The following ZSCAN21 variants were observed in gnomAD, a reference collection of about 807,000 sequenced individuals.
The protein encoded by ZSCAN21 is zinc finger and SCAN domain containing 21.
In ZSCAN21, 26 loss-of-function variants were observed where a neutral mutation model predicts 35.6. The ratio of observed to expected loss-of-function variants is 0.73; its 90% CI spans 0.54 to 1.01. The LOEUF (loss-of-function observed/expected upper bound fraction) is 1.01. Ranked by LOEUF, ZSCAN21 falls within the 50% of genes least tolerant of loss-of-function variation. The pLI, the probability that ZSCAN21 is intolerant of heterozygous loss-of-function variation, is 0.00. For missense variants in ZSCAN21, 593 were observed against 587.1 expected (o/e 1.01, Z -0.10); for synonymous variants, 219 against 219.3 (o/e 1.00, Z 0.01).
At chr7:100,058,629 G>A in intron 3 of ZSCAN21, among the ~76,000 whole-genome samples, 1 of 152,230 alleles carries the variant, frequency 6.6e-6, no homozygotes, top group Middle Eastern at 3.2e-3. Context: ...TGTATTAGGT[G>A]ACTACTCCTG....
At chr7:100,057,626 C>T (rs1404542455) in intron 2 of ZSCAN21, 72 bp from the exon 3 acceptor site, 3 of 1,440,960 alleles carry the variant, frequency 2.1e-6, no homozygotes, top group Non-Finnish European at 2.8e-6. Flanking sequence ...TTCTATGTAG[C>T]TCTACTGGGA....
chr7:100,064,749 G>A lies in ZSCAN21; in HGVS notation c.*132G>A. ...CACTCAACATCAGGGGATGCCTGAGGAGTGCGAGCTCCACAGCAACATGGC... is the reference window on the plus strand; with the variant it reads ...CACTCAACATCAGGGGATGCCTGAGAAGTGCGAGCTCCACAGCAACATGGC... On this transcript the variant is annotated 3_prime_UTR_variant, in exon 4 of 4. Coordinates refer to ENST00000292450, the MANE Select transcript of ZSCAN21 (RefSeq NM_145914.3). 6.2e-7 allele frequency: 1 copy of A among 1,614,038 alleles called. No individual in the cohort carries two copies. The highest frequency in any genetic ancestry group is 8.5e-7 in the Non-Finnish European group (1 of 1,179,950).
Position 100,056,925 on chromosome 7 carries a change from C to T in ZSCAN21, c.-82C>T. On this transcript the variant is annotated 5_prime_UTR_variant, in exon 2 of 4. Coordinates refer to ENST00000292450, the MANE Select transcript of ZSCAN21 (RefSeq NM_145914.3). ...TATTTTCTTAGGTTTAACTTGTGGC[C>T]CTAAAGAACTGGAAACCCAAAGGAA... 3 of 1,386,334 alleles carry T rather than the reference C, an allele frequency of 2.2e-6. No individual in the cohort carries two copies. The highest frequency in any genetic ancestry group is 2.9e-6 in the Non-Finnish European group (3 of 1,036,412). The allele number at this position is 1,386,334 out of a possible 1,614,324, so 85.9% of individuals were successfully genotyped here.
chr7:100,062,767 C>G (rs1179561613), intron 3 of ZSCAN21, among the ~76,000 whole-genome samples: 1 of 152,068 alleles, frequency 6.6e-6, no homozygotes, highest in East Asian at 1.9e-4. Context: ...CCCAGCTCTT[C>G]GGGAGGCTGA....
Position 100,052,789 on chromosome 7 carries a change from C to T in ZSCAN21, c.-97+2948C>T, listed in dbSNP as rs1233104443. ...GAGGAAGGGCACCCGGCCCTCTACTCGTTTGTAGTCTTTATGCATTGTACA... is the reference window on the plus strand; with the variant it reads ...GAGGAAGGGCACCCGGCCCTCTACTTGTTTGTAGTCTTTATGCATTGTACA... On this transcript the variant is annotated intron_variant, in intron 1 of 3. Coordinates refer to ENST00000292450, the MANE Select transcript of ZSCAN21 (RefSeq NM_145914.3). Among the ~76,000 whole-genome samples, 4 of 151,966 alleles carry T rather than the reference C, an allele frequency of 2.6e-5. No individual in the cohort carries two copies. In the East Asian group the frequency reaches 7.7e-4, roughly 29 times the overall value.
rs1792039934 is a variant in ZSCAN21, at chr7:100,055,414, A to G, written c.-96-1497A>G. Among the ~76,000 whole-genome samples the G allele has an allele frequency of 2.0e-5, 3 of 148,070 alleles. No homozygotes were observed. In the Admixed American group the frequency reaches 2.0e-4, roughly 10 times the overall value. On this transcript the variant is annotated intron_variant, in intron 1 of 3. Coordinates refer to ENST00000292450, the MANE Select transcript of ZSCAN21 (RefSeq NM_145914.3). The stretch of plus-strand genomic sequence containing the variant: ...CCCAAATAGCTGAGATTACAGGTGC[A>G]CACCACCATGCCCAGCTAATTTTTG...
intron 1 of ZSCAN21, among the ~76,000 whole-genome samples, chr7:100,050,533 A>C (rs1011175908): frequency 2.0e-5 from 3 of 151,716 alleles, no homozygotes; most frequent in Non-Finnish European, 4.4e-5. Context: ...CCCTGTCCCC[A>C]CGAAAAATAC....
chr7:100,053,173 C>G (rs1348944038), intron 1 of ZSCAN21, among the ~76,000 whole-genome samples: 1 of 151,566 alleles, frequency 6.6e-6, no homozygotes, highest in Non-Finnish European at 1.5e-5. Flanking sequence ...AATCACTTAG[C>G]TAATGAGCTT....
chr7:100,050,949 T>C (rs1791837858), intron 1 of ZSCAN21, among the ~76,000 whole-genome samples: 1 of 151,124 alleles, frequency 6.6e-6, no homozygotes, highest in African/African-American at 2.4e-5. Context: ...TCCAGCACTT[T>C]GGGAGGCCGA....
intron 3 of ZSCAN21, 23 bp downstream of exon 3, chr7:100,057,913 C>T (rs1792142228): frequency 6.5e-7 from 1 of 1,539,436 alleles, no homozygotes; most frequent in African/African-American, 1.4e-5. Flanking sequence ...CATTAGACTC[C>T]TATTCAGTGC....
chr7:100,064,726 C>T lies in ZSCAN21; in HGVS notation c.*109C>T. 3 of 1,612,120 alleles carry T rather than the reference C, an allele frequency of 1.9e-6. No individual in the cohort carries two copies. Among genetic ancestry groups the T allele is most frequent in the Non-Finnish European group, 2.5e-6 (3 of 1,178,674 alleles). The stretch of plus-strand genomic sequence containing the variant: ...GATTCCGGTGATAGAGTTTGTATCA[C>T]TCAACATCAGGGGATGCCTGAGGAG... On this transcript the variant is annotated 3_prime_UTR_variant, in exon 4 of 4. Transcript: ENST00000292450.
Position 100,064,428 on chromosome 7 carries a change from C to T in ZSCAN21, c.1233C>T (p.Thr411=), listed in dbSNP as rs759065322. The change falls in exon 4 of 4, where the codon ACC becomes ACT. Residue 411 remains threonine, a synonymous_variant. Transcript: ENST00000292450. ...TCAGCTCCCACCAGAGACTCCACAC[C>T]GGAGAGAAGCCATATAAGTGTAAGG... ...AGLSSHQRLH[T]GEKPYKCKEC... is the part of the protein sequence containing the mutation. 1.6e-5 allele frequency: 26 copies of T among 1,613,906 alleles called. No individual in the cohort carries two copies. The East Asian group carries it at 1.8e-4, about 11-fold the overall frequency.
In ZSCAN21 at chr7:100,057,406, G is replaced by C. The variant is rs768804941; in HGVS notation, c.399+1G>C. ...GGAACTGGATGAGCCAGGACACCAG[G>C]TAGGCAGGAGAGACCTTTGTTATTC... On this transcript the variant is annotated splice_donor_variant, in intron 2 of 3. Coordinates refer to ENST00000292450, the MANE Select transcript of ZSCAN21 (RefSeq NM_145914.3). LOFTEE classifies it high-confidence loss of function. The C allele has an allele frequency of 4.6e-6, 7 of 1,534,376 alleles. No homozygotes were observed. The highest frequency in any genetic ancestry group is 4.2e-5 in the Admixed American group (2 of 47,340).
Position 100,064,914 on chromosome 7 carries a change from T to G in ZSCAN21, c.*297T>G. The stretch of plus-strand genomic sequence containing the variant: ...TAGTTAAACAGACGTGTATCCAGTC[T>G]AGTTAAGGAAGAAACATTAAGATTG... On this transcript the variant is annotated 3_prime_UTR_variant, in exon 4 of 4. Transcript: ENST00000292450. 1 of 1,612,860 alleles carries G rather than the reference T, an allele frequency of 6.2e-7. No individual in the cohort carries two copies. Among genetic ancestry groups the G allele is most frequent in the Non-Finnish European group, 8.5e-7 (1 of 1,179,564 alleles).
chr7:100,054,118 G>A (rs1222387509), intron 1 of ZSCAN21, among the ~76,000 whole-genome samples: 1 of 152,050 alleles, frequency 6.6e-6, no homozygotes, highest in Non-Finnish European at 1.5e-5. Flanking sequence ...AGATGACGTT[G>A]CATCTCCCCT....
Position 100,051,068 on chromosome 7 carries a change from G to GT in ZSCAN21, c.-97+1228dup, listed in dbSNP as rs1244447124. Among the ~76,000 whole-genome samples the GT allele has an allele frequency of 4.1e-5, 6 of 147,958 alleles. 1 individual carries two copies. The East Asian group carries it at 8.5e-4, about 21-fold the overall frequency. On this transcript the variant is annotated intron_variant, in intron 1 of 3. Transcript: ENST00000292450. ...TAGGCGGGCGTGGTGGCACATGCCTGTAAGGAGGCTGAGGCAGGAGAATCG... is the reference window on the plus strand; with the variant it reads ...TAGGCGGGCGTGGTGGCACATGCCTGTTAAGGAGGCTGAGGCAGGAGAATCG...
chr7:100,063,763 A>T, intron 3 of ZSCAN21, 25 bp from the exon 4 acceptor site: 1 of 1,575,738 alleles, frequency 6.3e-7, no homozygotes. Context: ...CAACTGAAGT[A>T]TCCTTAATCT....
chr7:100,054,257 G>GT lies in ZSCAN21; in HGVS notation c.-96-2644dup, dbSNP rs554888797. Among the ~76,000 whole-genome samples, 498 of 144,556 alleles carry GT rather than the reference G, an allele frequency of 3.4e-3. 1 individual carries two copies. The highest frequency in any genetic ancestry group is 5.1e-3 in the South Asian group (23 of 4,542). 94.8% of individuals were successfully genotyped at this position (144,556 alleles called of 152,430 possible). ...TAGTGTGTTTTGTTTTTTGTTTTTT[G>GT]TTTTTTTTTTGCAACGGAGTCTCAC... On this transcript the variant is annotated intron_variant, in intron 1 of 3. Coordinates refer to ENST00000292450, the MANE Select transcript of ZSCAN21 (RefSeq NM_145914.3).
chr7:100,060,822 T>C (rs1311745312), intron 3 of ZSCAN21, among the ~76,000 whole-genome samples: 3 of 142,422 alleles, frequency 2.1e-5, no homozygotes, highest in Non-Finnish European at 4.5e-5. Flanking sequence ...ATCGCGCCAC[T>C]GCACTCCAGC....
Sources: gnomAD v4.1 joint callset for allele counts (sites outside exome capture counted in the v4.1 genomes callset) on GRCh38, gnomAD v4.1.1 for gene constraint, MANE v1.5 for transcripts, NCBI Gene and HGNC (gene_info 2026-07-23, HGNC 2026-07-21) for gene names.